Variants in CNTN5 observed in about 807,000 individuals in gnomAD.
CNTN5 encodes the protein contactin-5.
Under a neutral mutation model 129.1 loss-of-function variants are expected in CNTN5, and 77 were observed. The ratio of observed to expected loss-of-function variants is 0.60; its 90% CI spans 0.50 to 0.72. CNTN5 has a LOEUF of 0.72. Among genes scored for constraint, CNTN5 ranks in the 30% least tolerant of loss-of-function variants. The pLI is 0.00. For synonymous variants in CNTN5, 509 were observed against 465.6 expected (o/e 1.09, Z -1.20); for missense variants, 1,478 against 1,328.8 (o/e 1.11, Z -1.75).
chr11:100,176,313 C>T (rs1947961534), intron 13 of CNTN5, among the ~76,000 whole-genome samples: 1 of 152,104 alleles, frequency 6.6e-6, no homozygotes, highest in Admixed American at 6.6e-5. Flanking sequence ...AGCCACTGAG[C>T]CAGCCTATGA....
At chr11:100,114,771 C>A (rs1027346795) in intron 13 of CNTN5, among the ~76,000 whole-genome samples, 1 of 152,100 alleles carries the variant, frequency 6.6e-6, no homozygotes, top group Admixed American at 6.6e-5. Context: ...ATTTACATGT[C>A]ATCTCATTCA....
chr11:100,245,117 G>A (rs1044404605), intron 16 of CNTN5, among the ~76,000 whole-genome samples: 11 of 152,058 alleles, frequency 7.2e-5, no homozygotes, highest in African/African-American at 2.7e-4. Context: ...GCAGGTGTTT[G>A]ATTAATCTAG....
At chr11:99,572,518 A>T (rs546301193) in intron 3 of CNTN5, among the ~76,000 whole-genome samples, 1 of 152,248 alleles carries the variant, frequency 6.6e-6, no homozygotes, top group African/African-American at 2.4e-5. Flanking sequence ...CAGTGATAGA[A>T]TTGGCACTAT....
At chr11:99,579,572 AT>A (rs1949496534) in intron 3 of CNTN5, among the ~76,000 whole-genome samples, 3 of 145,994 alleles carry the variant, frequency 2.1e-5, no homozygotes, top group African/African-American at 7.7e-5. Context: ...ATTCCTAGGT[AT>A]TTTATTCTCT....
chr11:100,083,724 A>G (rs1212380156), intron 13 of CNTN5, among the ~76,000 whole-genome samples: 1 of 152,180 alleles, frequency 6.6e-6, no homozygotes, highest in East Asian at 1.9e-4. Flanking sequence ...GATCACAAAT[A>G]TCTAAATTAA....
At chr11:99,882,832 C>T (rs191485106) in intron 6 of CNTN5, among the ~76,000 whole-genome samples, 2 of 152,080 alleles carry the variant, frequency 1.3e-5, no homozygotes, top group East Asian at 1.9e-4. Context: ...TTTTTTTGTG[C>T]CCATTAACCA....
intron 21 of CNTN5, among the ~76,000 whole-genome samples, chr11:100,315,894 G>C (rs1291919555): frequency 1.3e-5 from 2 of 152,170 alleles, no homozygotes; most frequent in Non-Finnish European, 2.9e-5. Flanking sequence ...TCTAGCTTAT[G>C]ATATGCAGCA....
intron 8 of CNTN5, among the ~76,000 whole-genome samples, chr11:99,970,832 C>T (rs962791194): frequency 1.3e-5 from 2 of 152,154 alleles, no homozygotes; most frequent in Non-Finnish European, 2.9e-5. Flanking sequence ...TGGGCGGTAA[C>T]ATTGGGAGGA....
At chr11:99,452,509 A>G in intron 2 of CNTN5, among the ~76,000 whole-genome samples, 1 of 151,004 alleles carries the variant, frequency 6.6e-6, no homozygotes, top group South Asian at 2.1e-4. Flanking sequence ...AGTAGCTGGG[A>G]CTACAGGTGC....
At chr11:99,878,534 A>G (rs933523505) in intron 6 of CNTN5, among the ~76,000 whole-genome samples, 2 of 152,200 alleles carry the variant, frequency 1.3e-5, no homozygotes, top group African/African-American at 4.8e-5. Flanking sequence ...TAAGAAGCAA[A>G]GCCTTTCTGT....
chr11:100,013,331 A>G (rs1940634071), intron 9 of CNTN5, among the ~76,000 whole-genome samples: 1 of 152,176 alleles, frequency 6.6e-6, no homozygotes, highest in African/African-American at 2.4e-5. Context: ...TACCCCATAA[A>G]CTTATACAAA....
At position 100,297,634 on chromosome 11, in the gene CNTN5, C is replaced by T. The variant is rs767189627; in HGVS notation, c.2324C>T (p.Thr775Ile). ...CCATTTTTATCCACAGTTCCGAAGACAGCACCCACCAATGTAAGCGGAAGA... is the reference window on the plus strand; with the variant it reads ...CCATTTTTATCCACAGTTCCGAAGATAGCACCCACCAATGTAAGCGGAAGA... Reference protein sequence around the residue: ...MIRTNEAVPKTAPTNVSGRSG... With the variant: ...MIRTNEAVPKIAPTNVSGRSG... Residue 775 changes from threonine to isoleucine, a missense_variant, in exon 19 of 25, where the codon ACA (threonine) becomes ATA (isoleucine). Coordinates refer to ENST00000524871, the MANE Select transcript of CNTN5 (RefSeq NM_014361.4). 6 of 1,606,298 alleles carry T rather than the reference C, an allele frequency of 3.7e-6. No individual in the cohort carries two copies. In the South Asian group the frequency reaches 4.4e-5, roughly 12 times the overall value.
At chr11:99,775,508 C>CA (rs1464240617) in intron 3 of CNTN5, among the ~76,000 whole-genome samples, 2 of 151,666 alleles carry the variant, frequency 1.3e-5, no homozygotes, top group Non-Finnish European at 2.9e-5. Flanking sequence ...TTTGGTCAAA[C>CA]AAAAACCTCA....
chr11:100,136,649 A>G (rs945655634), intron 13 of CNTN5, among the ~76,000 whole-genome samples: 4 of 152,064 alleles, frequency 2.6e-5, no homozygotes, highest in Non-Finnish European at 4.4e-5. Flanking sequence ...TGTTCACAGC[A>G]CTTTCAAAGC....
At chr11:99,205,709 GAT>G (rs1186267400) in intron 1 of CNTN5, among the ~76,000 whole-genome samples, 1 of 152,080 alleles carries the variant, frequency 6.6e-6, no homozygotes, top group African/African-American at 2.4e-5. Context: ...TGAAGTGATT[GAT>G]ATGTTAATTA....
intron 21 of CNTN5, among the ~76,000 whole-genome samples, chr11:100,310,658 TTGA>T (rs1951452531): frequency 6.6e-6 from 1 of 151,618 alleles, no homozygotes; most frequent in Non-Finnish European, 1.5e-5. Flanking sequence ...ACAATTTCAG[TTGA>T]TGATACAGAC....
At chr11:99,125,074 C>T (rs1197440176) in intron 1 of CNTN5, among the ~76,000 whole-genome samples, 2 of 151,978 alleles carry the variant, frequency 1.3e-5, no homozygotes, top group African/African-American at 4.8e-5. Context: ...GAAACTATTA[C>T]AAAAAATTGA....
At chr11:99,310,427 CTT>C (rs1300818614) in intron 1 of CNTN5, among the ~76,000 whole-genome samples, 19 of 145,376 alleles carry the variant, frequency 1.3e-4, no homozygotes, top group African/African-American at 4.1e-4. Flanking sequence ...ATAAAACACT[CTT>C]AAATATTGAC....
intron 16 of CNTN5, among the ~76,000 whole-genome samples, chr11:100,240,659 G>C (rs571727354): frequency 6.6e-6 from 1 of 152,126 alleles, no homozygotes; most frequent in Non-Finnish European, 1.5e-5. Context: ...AACATGTCTT[G>C]TAGAACATGT....
Sources: allele counts gnomAD v4.1 joint callset (sites outside exome capture counted in the v4.1 genomes callset), GRCh38; gene constraint gnomAD v4.1.1; transcripts MANE v1.5; gene names NCBI Gene and HGNC (gene_info 2026-07-23, HGNC 2026-07-21).